Variants in CENPU observed in about 807,000 individuals in gnomAD.
The protein encoded by CENPU is KSHV latent nuclear antigen interacting protein 1.
In CENPU, 46 loss-of-function variants were observed where a neutral mutation model predicts 56.7. The ratio of observed to expected loss-of-function variants is 0.81; its 90% CI spans 0.64 to 1.04. CENPU has a LOEUF of 1.04. CENPU is among the 50% of genes least tolerant of loss of function. The pLI, the probability that CENPU is intolerant of heterozygous loss-of-function variation, is 0.00. For missense variants in CENPU, 510 were observed against 490.1 expected, an observed-to-expected ratio of 1.04 and a Z score of -0.38; for synonymous variants, 166 against 163.0, an observed-to-expected ratio of 1.02 and a Z score of -0.14.
At chr4:184,718,500 G>A (rs1360229303) in intron 4 of CENPU, among the ~76,000 whole-genome samples, 3 of 152,220 alleles carry the variant, frequency 2.0e-5, no homozygotes, top group African/African-American at 4.8e-5. Context: ...GTGGACGTAG[G>A]AGTGAGATGA....
At chr4:184,700,359 T>C (rs1209235304) in intron 11 of CENPU, among the ~76,000 whole-genome samples, 1 of 152,230 alleles carries the variant, frequency 6.6e-6, no homozygotes, top group African/African-American at 2.4e-5. Context: ...TGAAGCACTT[T>C]CTATATATGT....
At chr4:184,708,222 C>CAAAAA (rs11322939) in intron 8 of CENPU, among the ~76,000 whole-genome samples, 16 of 89,818 alleles carry the variant, frequency 1.8e-4, no homozygotes, top group Middle Eastern at 6.3e-3. Flanking sequence ...GACTCCATCT[C>CAAAAA]AAAAAAAAAA....
chr4:184,694,966 G>T lies in CENPU; in HGVS notation c.*322C>A, dbSNP rs191677497. 12 of 566,856 alleles carry T rather than the reference G, an allele frequency of 2.1e-5. No individual in the cohort carries two copies. The South Asian group carries it at 3.0e-4, about 14-fold the overall frequency. The allele number at this position is 566,856 out of a possible 1,614,324, so 35.1% of individuals were successfully genotyped here. A position where few individuals can be genotyped will look rare whatever the true frequency, so the allele number is the denominator to read the frequency against. On this transcript the variant is annotated 3_prime_UTR_variant, in exon 13 of 13. Coordinates refer to ENST00000281453, the MANE Select transcript of CENPU (RefSeq NM_024629.4). ...CTTTGGTGTAAATTCAGGAGAAATC[G>T]CCTTATTAATTAATCAAAATTATGT...
chr4:184,716,665 T>C (rs367956263), intron 5 of CENPU, 32 bp from the exon 6 acceptor site: 62 of 1,463,876 alleles, frequency 4.2e-5, no homozygotes, highest in Middle Eastern at 1.9e-4. Context: ...AGTACTTATG[T>C]AGAAAATAGA....
rs1223773113 is a variant in CENPU, at chr4:184,697,580, C to T, written c.1143+67G>A. ...TTGTCTTTCCCCAAAGCTTCTGATACTCTAGCATGAAAATGCCCTCCCACA... is the reference window on the plus strand; with the variant it reads ...TTGTCTTTCCCCAAAGCTTCTGATATTCTAGCATGAAAATGCCCTCCCACA... On this transcript the variant is annotated intron_variant, in intron 12 of 12. Coordinates refer to ENST00000281453, the MANE Select transcript of CENPU (RefSeq NM_024629.4). The T allele has an allele frequency of 6.9e-6, 10 of 1,451,780 alleles. No homozygotes were observed. The East Asian group carries it at 2.3e-4, about 33-fold the overall frequency. 89.9% of individuals were successfully genotyped at this position (1,451,780 alleles called of 1,614,324 possible). A position where few individuals can be genotyped will look rare whatever the true frequency, so the allele number is the denominator to read the frequency against.
chr4:184,700,901 G>A lies in CENPU; in HGVS notation c.925-20C>T, dbSNP rs1760512970. ...AATCATCTAAGTAACACAATCATTT[G>A]TGTTAAAATTAATTTGTAACTGTTT... On this transcript the variant is annotated intron_variant, in intron 10 of 12. Coordinates refer to ENST00000281453, the MANE Select transcript of CENPU (RefSeq NM_024629.4). 1 of 1,588,178 alleles carries A rather than the reference G, an allele frequency of 6.3e-7. No individual in the cohort carries two copies.
chr4:184,708,761 C>T (rs937172842), intron 8 of CENPU, among the ~76,000 whole-genome samples: 1 of 152,072 alleles, frequency 6.6e-6, no homozygotes, highest in African/African-American at 2.4e-5. Context: ...AGTTTTGCAA[C>T]ATAAAGAGTC....
Position 184,716,520 on chromosome 4 carries a change from A to C in CENPU, c.495T>G (p.Ile165Met), listed in dbSNP as rs764592462. Reference protein sequence around the residue: ...EKISTQRHEVIRTTASSELSE... With the variant: ...EKISTQRHEVMRTTASSELSE... ...AAAGTTCTGAAGACGCTGTGGTTCG[A>C]ATAACCTCATGACGTTGTGTACTTA... The change falls in exon 6 of 13, where the codon ATT becomes ATG. Residue 165 changes from isoleucine to methionine, a missense_variant. Transcript: ENST00000281453. The C allele has an allele frequency of 3.7e-6, 6 of 1,614,200 alleles. No homozygotes were observed. In the East Asian group the frequency reaches 1.3e-4, roughly 36 times the overall value.
chr4:184,727,319 AG>A (rs1761491087), intron 3 of CENPU, among the ~76,000 whole-genome samples: 1 of 152,182 alleles, frequency 6.6e-6, no homozygotes, highest in Admixed American at 6.5e-5. Flanking sequence ...GGAGCATTTC[AG>A]TTAGGAAAGA....
intron 8 of CENPU, among the ~76,000 whole-genome samples, chr4:184,704,855 A>T (rs563439646): frequency 2.6e-5 from 4 of 152,222 alleles, no homozygotes; most frequent in Non-Finnish European, 4.4e-5. Context: ...GGGCTGCTTA[A>T]CAAGTTGCAC....
chr4:184,714,712 T>C (rs1049576480), intron 6 of CENPU, among the ~76,000 whole-genome samples: 1 of 152,026 alleles, frequency 6.6e-6, no homozygotes, highest in Non-Finnish European at 1.5e-5. Context: ...AAAAACAACA[T>C]TCAACTAATG....
At chr4:184,724,628 T>C (rs1293909908) in intron 4 of CENPU, among the ~76,000 whole-genome samples, 1 of 152,218 alleles carries the variant, frequency 6.6e-6, no homozygotes, top group Non-Finnish European at 1.5e-5. Context: ...TTATAGAGAA[T>C]TTGTAAATGA....
At chr4:184,699,286 C>T (rs918272753) in intron 11 of CENPU, among the ~76,000 whole-genome samples, 8 of 152,132 alleles carry the variant, frequency 5.3e-5, no homozygotes, top group South Asian at 2.1e-4. Context: ...GCCAAGATAG[C>T]GCCACCGCAC....
At chr4:184,704,400 CAAGTGTGTAT>C (rs1760651336) in intron 8 of CENPU, among the ~76,000 whole-genome samples, 1 of 152,038 alleles carries the variant, frequency 6.6e-6, no homozygotes, top group African/African-American at 2.4e-5. Flanking sequence ...ACATGCTGTC[CAAGTGTGTAT>C]CCTGGGAGGA....
At chr4:184,718,411 G>T (rs971414324) in intron 4 of CENPU, among the ~76,000 whole-genome samples, 1 of 152,210 alleles carries the variant, frequency 6.6e-6, no homozygotes, top group African/African-American at 2.4e-5. Context: ...CTGCCTCAGT[G>T]TCTACTCACC....
chr4:184,724,883 T>C, intron 4 of CENPU, 74 bp downstream of exon 4: 4 of 953,586 alleles, frequency 4.2e-6, no homozygotes, highest in Non-Finnish European at 6.3e-6. Flanking sequence ...TTTGTTTTAT[T>C]AGCTTCTATC....
intron 4 of CENPU, among the ~76,000 whole-genome samples, chr4:184,718,371 G>A (rs57086463): frequency 0.18 from 27,094 of 152,134 alleles, 2,694 homozygotes; most frequent in African/African-American, 0.26. Context: ...CCCTTCACAG[G>A]TAACACTAAT....
intron 4 of CENPU, among the ~76,000 whole-genome samples, chr4:184,719,545 G>A (rs1458720804): frequency 6.6e-6 from 1 of 152,168 alleles, no homozygotes; most frequent in Non-Finnish European, 1.5e-5. Context: ...AGTGCTCTGG[G>A]GCCCTAGGTG....
intron 12 of CENPU, among the ~76,000 whole-genome samples, chr4:184,696,171 CATG>C (rs1481876936): frequency 6.6e-6 from 1 of 152,184 alleles, no homozygotes; most frequent in Non-Finnish European, 1.5e-5. Context: ...CTACCACACA[CATG>C]ATAATGGAAT....
Sources: allele counts gnomAD v4.1 joint callset (sites outside exome capture counted in the v4.1 genomes callset), GRCh38; gene constraint gnomAD v4.1.1; transcripts MANE v1.5; gene names NCBI Gene and HGNC (gene_info 2026-07-23, HGNC 2026-07-21).